PTPRD: variants seen among roughly 807,000 people sequenced by gnomAD.
The protein encoded by PTPRD is protein tyrosine phosphatase receptor type D, also known as receptor-type tyrosine-protein phosphatase delta.
Under a neutral mutation model 214.5 loss-of-function variants are expected in PTPRD, and 34 were observed. The observed-to-expected ratio is 0.16, with a 90% CI of 0.12 to 0.21. The LOEUF (loss-of-function observed/expected upper bound fraction) is 0.21. Among genes scored for constraint, PTPRD ranks in the 10% least tolerant of loss-of-function variants. PTPRD has a pLI of 1.00. For synonymous variants in PTPRD, 1,128 were observed against 845.7 expected (o/e 1.33, Z -5.79); for missense variants, 2,545 against 2,398.7 (o/e 1.06, Z -1.27).
At chr9:10,326,840 C>A (rs2096651645) in intron 3 of PTPRD, among the ~76,000 whole-genome samples, 1 of 151,314 alleles carries the variant, frequency 6.6e-6, no homozygotes, top group African/African-American at 2.4e-5. Context: ...TGACAATTTT[C>A]TATTTATGAT....
chr9:9,575,742 A>AAAAAG (rs2088391240), intron 7 of PTPRD, among the ~76,000 whole-genome samples: 1 of 140,642 alleles, frequency 7.1e-6, no homozygotes, highest in African/African-American at 2.7e-5. Flanking sequence ...AAAAAAAAAA[A>AAAAAG]AAAAGAAAGA....
intron 14 of PTPRD, among the ~76,000 whole-genome samples, chr9:8,559,773 C>A (rs1026823712): frequency 2.0e-5 from 3 of 152,244 alleles, no homozygotes; most frequent in East Asian, 1.9e-4. Context: ...TTAGCTCTCA[C>A]AGCTTTAATT....
At chr9:9,913,568 G>A (rs1054796386) in intron 5 of PTPRD, among the ~76,000 whole-genome samples, 1 of 152,078 alleles carries the variant, frequency 6.6e-6, no homozygotes, top group Non-Finnish European at 1.5e-5. Context: ...GGAAATTCAG[G>A]AGGGCAGCAC....
intron 9 of PTPRD, among the ~76,000 whole-genome samples, chr9:9,234,723 G>C (rs183463320): frequency 1.2e-4 from 19 of 152,246 alleles, no homozygotes; most frequent in Non-Finnish European, 2.5e-4. Flanking sequence ...AGGATAGCAA[G>C]AATCACCTTT....
rs903203553 is a variant in PTPRD at position 10,320,074 on chromosome 9, T to C, written c.-545+20889A>G. Among the ~76,000 whole-genome samples, 136 of 152,150 alleles carry C rather than the reference T, an allele frequency of 8.9e-4. 2 individuals are homozygous for C. Among genetic ancestry groups the C allele is most frequent in the African/African-American group, 3.2e-3 (131 of 41,550 alleles). Reference sequence around the variant, plus strand: ...CTTGCCAATTGAAATTCTAAAATCTTTACATGTTATAGATTTCAGCTTTCT... The same window carrying C: ...CTTGCCAATTGAAATTCTAAAATCTCTACATGTTATAGATTTCAGCTTTCT... On this transcript the variant is annotated intron_variant, in intron 3 of 45. Transcript: ENST00000381196.
Position 8,340,442 on chromosome 9 carries a change from C to G in PTPRD, c.5154G>C (p.Gln1718His). ...CTTCAGTGGTCTCTGCCAAGGGCCC[C>G]TGGGTAGCGATGTAGGCTTTCTGTT... Reference protein sequence around the residue: ...YRQQKAYIATQGPLAETTEDF... With the variant: ...YRQQKAYIATHGPLAETTEDF... The change falls in exon 42 of 46, where the codon CAG (glutamine) becomes CAC (histidine). Residue 1718 changes from glutamine (Q) to histidine (H), a missense_variant. By Grantham distance (24) the Gln-to-His change is conservative (BLOSUM62 0). Transcript: ENST00000381196. 2 of 1,604,512 alleles carry G rather than the reference C, an allele frequency of 1.2e-6. No homozygotes were observed. Among genetic ancestry groups the G allele is most frequent in the Non-Finnish European group, 1.7e-6 (2 of 1,173,236 alleles).
intron 4 of PTPRD, among the ~76,000 whole-genome samples, chr9:9,943,868 C>G (rs1351866324): frequency 6.6e-6 from 1 of 152,106 alleles, no homozygotes; most frequent in African/African-American, 2.4e-5. Context: ...GGACTGCTAG[C>G]CCCAGCTCTC....
intron 11 of PTPRD, among the ~76,000 whole-genome samples, chr9:8,913,756 T>G (rs1234637524): frequency 6.6e-6 from 1 of 152,104 alleles, no homozygotes. Context: ...CTATCAATAT[T>G]CTGCAAATAA....
At chr9:9,490,308 T>C (rs2095843830) in intron 8 of PTPRD, among the ~76,000 whole-genome samples, 1 of 152,098 alleles carries the variant, frequency 6.6e-6, no homozygotes, top group South Asian at 2.1e-4. Context: ...CTAGAAGCTA[T>C]GTGAAGAAAT....
intron 3 of PTPRD, among the ~76,000 whole-genome samples, chr9:10,095,200 G>C (rs1056364244): frequency 6.1e-4 from 93 of 151,230 alleles, no homozygotes; most frequent in African/African-American, 2.2e-3. Flanking sequence ...CACTTTAATG[G>C]ATTTAACTTT....
At chr9:10,463,077 T>C (rs1489787163) in intron 2 of PTPRD, among the ~76,000 whole-genome samples, 2 of 151,674 alleles carry the variant, frequency 1.3e-5, no homozygotes, top group Non-Finnish European at 2.9e-5. Flanking sequence ...CTAAAATTTC[T>C]AAATTTTGAT....
chr9:9,876,311 C>T (rs948180927), intron 5 of PTPRD, among the ~76,000 whole-genome samples: 24 of 152,046 alleles, frequency 1.6e-4, no homozygotes, highest in African/African-American at 5.8e-4. Flanking sequence ...ATGAAACAAT[C>T]ACTGAAAAGG....
intron 37 of PTPRD, among the ~76,000 whole-genome samples, chr9:8,378,791 T>G (rs1251257989): frequency 6.6e-6 from 1 of 152,134 alleles, no homozygotes; most frequent in East Asian, 1.9e-4. Context: ...CGATTACATT[T>G]AGACCTTCTA....
chr9:8,510,195 G>A (rs974166048), intron 21 of PTPRD, among the ~76,000 whole-genome samples: 3 of 152,084 alleles, frequency 2.0e-5, no homozygotes, highest in Non-Finnish European at 2.9e-5. Context: ...GGGAGGCTGA[G>A]GTGAGAGGAT....
chr9:9,048,389 T>C (rs945795837), intron 10 of PTPRD, among the ~76,000 whole-genome samples: 1 of 152,106 alleles, frequency 6.6e-6, no homozygotes, highest in Non-Finnish European at 1.5e-5. Flanking sequence ...ACAGCTAAGA[T>C]TTAAAAGCAA....
chr9:8,593,253 G>A (rs1249940258), intron 14 of PTPRD, among the ~76,000 whole-genome samples: 2 of 152,132 alleles, frequency 1.3e-5, no homozygotes, highest in African/African-American at 4.8e-5. Flanking sequence ...TTTTGCTAAG[G>A]ATGGTTAAGA....
chr9:9,951,185 G>A (rs1007972221), intron 4 of PTPRD, among the ~76,000 whole-genome samples: 1 of 152,076 alleles, frequency 6.6e-6, no homozygotes, highest in Non-Finnish European at 1.5e-5. Context: ...ATGAGGTCTA[G>A]CTTCTATTAA....
rs529226992 is a variant in PTPRD, at chr9:9,577,479, G to A, written c.-286-2698C>T. ...ACTTGGGGGCTTAGAAAGAAGGATC[G>A]CTTGAACCCTGGAAATTGAGGCTGC... On this transcript the variant is annotated intron_variant, in intron 7 of 45. Coordinates refer to ENST00000381196, the MANE Select transcript of PTPRD (RefSeq NM_002839.4). Among the ~76,000 whole-genome samples the A allele has an allele frequency of 1.2e-4, 19 of 152,112 alleles. No individual in the cohort carries two copies. The South Asian group carries it at 2.7e-3, about 22-fold the overall frequency.
At chr9:8,822,763 G>C (rs2097096810) in intron 11 of PTPRD, among the ~76,000 whole-genome samples, 1 of 152,120 alleles carries the variant, frequency 6.6e-6, no homozygotes, top group South Asian at 2.1e-4. Context: ...AGGTCCCGCA[G>C]CTGACAATGG....
Sources: gnomAD v4.1 joint callset for allele counts (sites outside exome capture counted in the v4.1 genomes callset) on GRCh38, gnomAD v4.1.1 for gene constraint, MANE v1.5 for transcripts, NCBI Gene and HGNC (gene_info 2026-07-23, HGNC 2026-07-21) for gene names.